The following RFTN1 variants were observed in gnomAD, a reference collection of about 807,000 sequenced individuals.
RFTN1 encodes raftlin.
RFTN1 carries 26 observed loss-of-function variants against 46.5 expected under a neutral mutation model. That is an observed-to-expected ratio of 0.56 (90% CI 0.41 to 0.78). The LOEUF (loss-of-function observed/expected upper bound fraction) is 0.78. RFTN1 is among the 30% of genes least tolerant of loss of function. The probability of loss-of-function intolerance (pLI) is 0.00; values close to 1 mark genes in which losing one functional copy is unlikely to be tolerated. For missense variants in RFTN1, 693 were observed against 718.7 expected (o/e 0.96, Z 0.41); for synonymous variants, 261 against 284.2 (o/e 0.92, Z 0.82).
intron 7 of RFTN1, among the ~76,000 whole-genome samples, chr3:16,331,846 G>A (rs1342431509): frequency 1.3e-5 from 2 of 152,116 alleles, no homozygotes; most frequent in South Asian, 2.1e-4. Context: ...ATCTGAATCC[G>A]TGCATTTCTA....
intron 3 of RFTN1, chr3:16,416,284 A>T: frequency 2.2e-6 from 1 of 446,064 alleles, no homozygotes. Context: ...TTAATAATGC[A>T]CATAAACAGA....
At chr3:16,409,641 C>A (rs1209502407) in intron 3 of RFTN1, among the ~76,000 whole-genome samples, 158 bp from the exon 4 acceptor site, 1 of 151,622 alleles carries the variant, frequency 6.6e-6, no homozygotes, top group African/African-American at 2.4e-5. Context: ...CCTCAGCCTC[C>A]CGAATAGCTG....
At chr3:16,362,855 CCCAT>C (rs1484826910) in intron 6 of RFTN1, among the ~76,000 whole-genome samples, 1 of 152,164 alleles carries the variant, frequency 6.6e-6, no homozygotes, top group African/African-American at 2.4e-5. Context: ...ACACTCACAG[CCCAT>C]CCAGACTTTT....
Position 16,336,630 on chromosome 3 carries a change from C to T in RFTN1, c.1147-9754G>A. On this transcript the variant is annotated intron_variant, in intron 7 of 9. Coordinates refer to ENST00000334133, the MANE Select transcript of RFTN1 (RefSeq NM_015150.2). This position sits in a 1 kb window ranked among gnomAD's most constrained non-coding sequence, Gnocchi z 6.0. The stretch of plus-strand genomic sequence containing the variant: ...GAGAGAGCAGTCTTCTCATTTTAGA[C>T]AACTTAGGCTTTCATAATGTTCAAA... 6.6e-6 allele frequency among the ~76,000 whole-genome samples: 1 copy of T among 152,106 alleles called. No individual in the cohort carries two copies. The highest frequency in any genetic ancestry group is 1.9e-4 in the East Asian group (1 of 5,182).
intron 6 of RFTN1, among the ~76,000 whole-genome samples, chr3:16,369,441 C>T (rs2073396389): frequency 6.6e-6 from 1 of 152,272 alleles, no homozygotes; most frequent in Non-Finnish European, 1.5e-5. Flanking sequence ...GGTGACTCAA[C>T]TTGCCTTCTC....
chr3:16,391,887 T>G (rs7636622), intron 4 of RFTN1, among the ~76,000 whole-genome samples: 27,015 of 72,134 alleles, frequency 0.37, 4,261 homozygotes, highest in African/African-American at 0.5. Flanking sequence ...TTTTTGTTTT[T>G]TTTTTTGTTT....
chr3:16,404,357 T>G (rs1462034131), intron 4 of RFTN1, among the ~76,000 whole-genome samples: 1 of 59,442 alleles, frequency 1.7e-5, no homozygotes, highest in Non-Finnish European at 2.9e-5. Flanking sequence ...ATATAATATA[T>G]ATACACAATA....
chr3:16,392,001 G>T (rs537082037), intron 4 of RFTN1, among the ~76,000 whole-genome samples: 18 of 151,184 alleles, frequency 1.2e-4, no homozygotes, highest in African/African-American at 3.9e-4. Flanking sequence ...AATCAGGAGA[G>T]AATTCTGGAA....
intron 6 of RFTN1, among the ~76,000 whole-genome samples, chr3:16,359,078 C>T (rs2072665204): frequency 6.6e-6 from 1 of 150,706 alleles, no homozygotes; most frequent in Admixed American, 6.6e-5. Flanking sequence ...GTCCTTGACC[C>T]TATAGAATAC....
intron 4 of RFTN1, among the ~76,000 whole-genome samples, chr3:16,395,387 C>G (rs546787302): frequency 4.6e-4 from 70 of 152,064 alleles, no homozygotes; most frequent in Non-Finnish European, 8.5e-4. Context: ...AAGATAGTAG[C>G]CATATGCCAC....
chr3:16,394,148 C>T (rs906627611), intron 4 of RFTN1, among the ~76,000 whole-genome samples: 6 of 152,094 alleles, frequency 3.9e-5, no homozygotes, highest in Non-Finnish European at 7.4e-5. Context: ...GGGAGGATCA[C>T]TTGAGGCCAG....
intron 3 of RFTN1, among the ~76,000 whole-genome samples, chr3:16,419,833 T>C (rs2075152056): frequency 6.6e-6 from 1 of 152,182 alleles, no homozygotes. Context: ...CTGTCCTTTC[T>C]TCCGATGTTC....
At chr3:16,395,124 T>G (rs1452856160) in intron 4 of RFTN1, among the ~76,000 whole-genome samples, 1 of 152,244 alleles carries the variant, frequency 6.6e-6, no homozygotes, top group African/African-American at 2.4e-5. Flanking sequence ...ATTAAATTAT[T>G]ATAAGCAGAA....
At position 16,426,666 on chromosome 3, in the gene RFTN1, T is replaced by G. The variant is rs1430429607; in HGVS notation, c.332+7185A>C. Among the ~76,000 whole-genome samples the G allele has an allele frequency of 6.7e-6, 1 of 148,914 alleles. No individual in the cohort carries two copies. Among genetic ancestry groups the G allele is most frequent in the African/African-American group, 2.4e-5 (1 of 40,842 alleles). Reference sequence around the variant, plus strand: ...ATTTTGGCAATGAAAGGATCGTGTGTGTGTGTGTGTGTGTGTGTGTGTGTG... The same window carrying G: ...ATTTTGGCAATGAAAGGATCGTGTGGGTGTGTGTGTGTGTGTGTGTGTGTG... On this transcript the variant is annotated intron_variant, in intron 3 of 9. Transcript: ENST00000334133. The surrounding 1 kb of genome is among the most constrained non-coding windows in gnomAD (Gnocchi z 5.9).
intron 7 of RFTN1, chr3:16,350,019 C>G (rs1164303095): frequency 7.0e-6 from 1 of 143,264 alleles, no homozygotes; most frequent in Non-Finnish European, 1.6e-5. Flanking sequence ...TACTCTTCTA[C>G]TGAGTGGAAT....
In RFTN1 at chr3:16,452,804, T is replaced by G. The variant is rs1382564346; in HGVS notation, c.146-18767A>C. Among the ~76,000 whole-genome samples the G allele has an allele frequency of 1.3e-5, 2 of 152,178 alleles. No individual in the cohort carries two copies. The highest frequency in any genetic ancestry group is 4.8e-5 in the African/African-American group (2 of 41,440). On this transcript the variant is annotated intron_variant, in intron 2 of 9. Transcript: ENST00000334133. The surrounding 1 kb of genome is among the most constrained non-coding windows in gnomAD (Gnocchi z 6.3). ...AGGCCGAAGACAGTCAACTGTTATG[T>G]GACAATATCACAAGCCGTTCTTCCC...
intron 4 of RFTN1, among the ~76,000 whole-genome samples, chr3:16,393,351 G>A (rs2074393748): frequency 2.0e-5 from 3 of 152,230 alleles, no homozygotes. Context: ...TGCCAAGAGT[G>A]GGACCAATAT....
At position 16,381,522 on chromosome 3, in the gene RFTN1, T is replaced by G. The variant is rs1211685296; in HGVS notation, c.442-3420A>C. 7.2e-5 allele frequency among the ~76,000 whole-genome samples: 11 copies of G among 152,214 alleles called. No individual in the cohort carries two copies. Among genetic ancestry groups the G allele is most frequent in the Middle Eastern group, 3.4e-3 (1 of 294 alleles). ...TAAGAAATGTGGCAGAACTGGAGCA[T>G]GCATGCCTCACCTTAAAGCATTCAA... On this transcript the variant is annotated intron_variant, in intron 4 of 9. Transcript: ENST00000334133. This position sits in a 1 kb window ranked among gnomAD's most constrained non-coding sequence, Gnocchi z 4.2.
rs987171456 is a variant in RFTN1, at chr3:16,443,374, C to T, written c.146-9337G>A. On this transcript the variant is annotated intron_variant, in intron 2 of 9. Transcript: ENST00000334133. This position sits in a 1 kb window ranked among gnomAD's most constrained non-coding sequence, Gnocchi z 5.5. Reference sequence around the variant, plus strand: ...ATATGTGTGGGCCACTTTTATATCTCCTTGGGAGATATGTCTATTCAAGCC... The same window carrying T: ...ATATGTGTGGGCCACTTTTATATCTTCTTGGGAGATATGTCTATTCAAGCC... Among the ~76,000 whole-genome samples the T allele has an allele frequency of 1.3e-5, 2 of 152,134 alleles. No homozygotes were observed. The highest frequency in any genetic ancestry group is 2.4e-5 in the African/African-American group (1 of 41,418).
Sources: gnomAD v4.1 joint callset for allele counts (sites outside exome capture counted in the v4.1 genomes callset) on GRCh38, gnomAD v4.1.1 for gene constraint, Gnocchi (gnomAD v3.1) non-coding constraint, MANE v1.5 for transcripts, NCBI Gene and HGNC (gene_info 2026-07-23, HGNC 2026-07-21) for gene names.